Variants in MORC1 observed in about 807,000 individuals in gnomAD.
The protein encoded by MORC1 is MORC family CW-type zinc finger protein 1.
Under a neutral mutation model 134.9 loss-of-function variants are expected in MORC1, and 59 were observed. That is an observed-to-expected ratio of 0.44 (90% CI 0.35 to 0.54). MORC1 has a LOEUF of 0.54. Ranked by LOEUF, MORC1 falls within the 20% of genes least tolerant of loss-of-function variation. MORC1 has a pLI of 0.00. For missense variants in MORC1, 947 were observed against 1,134.5 expected (o/e 0.83, Z 2.37); for synonymous variants, 395 against 391.7 (o/e 1.01, Z -0.10).
At chr3:109,041,118 T>C (rs961407286) in intron 14 of MORC1, among the ~76,000 whole-genome samples, 1 of 151,388 alleles carries the variant, frequency 6.6e-6, no homozygotes, top group Non-Finnish European at 1.5e-5. Flanking sequence ...AAGACCATCC[T>C]GGCCAACATG....
intron 14 of MORC1, among the ~76,000 whole-genome samples, chr3:109,049,648 G>A (rs1949775020): frequency 6.6e-6 from 1 of 152,022 alleles, no homozygotes; most frequent in Non-Finnish European, 1.5e-5. Context: ...CCACTTACTG[G>A]AAAAAATAAG....
At chr3:109,040,953 GA>G (rs1292798576) in intron 14 of MORC1, among the ~76,000 whole-genome samples, 1 of 151,508 alleles carries the variant, frequency 6.6e-6, no homozygotes, top group Admixed American at 6.6e-5. Flanking sequence ...TTATGGAGCT[GA>G]AAAAATACTG....
chr3:109,104,312 C>T (rs1434902756), intron 3 of MORC1, among the ~76,000 whole-genome samples: 3 of 152,082 alleles, frequency 2.0e-5, no homozygotes, highest in Non-Finnish European at 4.4e-5. Flanking sequence ...CACCAAAGCA[C>T]AATTATAAAA....
In MORC1 at chr3:109,079,990, G is replaced by C. The variant is rs140443001; in HGVS notation, c.690-10233C>G. 6.6e-5 allele frequency among the ~76,000 whole-genome samples: 10 copies of C among 152,194 alleles called. No homozygotes were observed. The East Asian group carries it at 1.9e-3, about 29-fold the overall frequency. ...TATTATGTGTCAGGTAGTGTCCTAAGCACTTTTCATGTCATAAATCACTTA... is the reference window on the plus strand; with the variant it reads ...TATTATGTGTCAGGTAGTGTCCTAACCACTTTTCATGTCATAAATCACTTA... On this transcript the variant is annotated intron_variant, in intron 8 of 27. Transcript: ENST00000232603.
At chr3:109,093,300 C>T in intron 8 of MORC1, 136 bp downstream of exon 8, 1 of 629,804 alleles carries the variant, frequency 1.6e-6, no homozygotes, top group Non-Finnish European at 2.7e-6. Flanking sequence ...CCTAGCCCAA[C>T]TTTACTAGTA....
chr3:108,967,459 G>A (rs16855057), intron 26 of MORC1, among the ~76,000 whole-genome samples: 5,112 of 152,106 alleles, frequency 0.034, 273 homozygotes, highest in African/African-American at 0.11. Flanking sequence ...ACAGACTTTC[G>A]GTTGGGACAA....
intron 17 of MORC1, among the ~76,000 whole-genome samples, chr3:109,015,453 A>G (rs1291872002): frequency 6.6e-6 from 1 of 152,158 alleles, no homozygotes; most frequent in Non-Finnish European, 1.5e-5. Context: ...CCTCCCACCC[A>G]TCTGAGTTCT....
chr3:109,042,898 A>G (rs1475268386), intron 14 of MORC1, among the ~76,000 whole-genome samples: 4 of 152,180 alleles, frequency 2.6e-5, no homozygotes, highest in Admixed American at 6.5e-5. Context: ...AGCACAGAGT[A>G]GAATGATGGT....
intron 17 of MORC1, among the ~76,000 whole-genome samples, chr3:109,010,296 T>C (rs1399383341): frequency 6.6e-6 from 1 of 152,190 alleles, no homozygotes; most frequent in Non-Finnish European, 1.5e-5. Flanking sequence ...TGCCTTGTGT[T>C]TTTTCCAATT....
intron 8 of MORC1, among the ~76,000 whole-genome samples, chr3:109,077,888 T>C (rs1276489813): frequency 6.6e-6 from 1 of 151,862 alleles, no homozygotes; most frequent in African/African-American, 2.4e-5. Flanking sequence ...AAAATATCAC[T>C]GCTGGAAAGA....
chr3:109,038,862 C>G (rs962584974), intron 14 of MORC1, among the ~76,000 whole-genome samples: 2 of 152,078 alleles, frequency 1.3e-5, no homozygotes, highest in East Asian at 1.9e-4. Context: ...AGTTTGAAGT[C>G]AGGTAGCGCG....
At chr3:108,975,920 TA>T (rs1947539433) in intron 24 of MORC1, among the ~76,000 whole-genome samples, 1 of 152,174 alleles carries the variant, frequency 6.6e-6, no homozygotes, top group Admixed American at 6.5e-5. Flanking sequence ...TATTTAAAAG[TA>T]TTTTAACATC....
intron 3 of MORC1, among the ~76,000 whole-genome samples, chr3:109,109,387 G>C (rs1290723988): frequency 6.6e-6 from 1 of 152,088 alleles, no homozygotes; most frequent in Non-Finnish European, 1.5e-5. Context: ...AATTATTACT[G>C]AATAAATTAA....
At chr3:109,052,170 A>G (rs1430363655) in intron 14 of MORC1, among the ~76,000 whole-genome samples, 1 of 152,162 alleles carries the variant, frequency 6.6e-6, no homozygotes, top group Non-Finnish European at 1.5e-5. Flanking sequence ...CACTATGTTT[A>G]TGTTGATATT....
intron 14 of MORC1, among the ~76,000 whole-genome samples, chr3:109,044,627 T>G (rs1292538679): frequency 3.3e-5 from 5 of 151,308 alleles, no homozygotes; most frequent in African/African-American, 1.2e-4. Context: ...CAAGAGCAGC[T>G]GACACATATT....
At chr3:109,094,519 A>G (rs1256217478) in intron 7 of MORC1, among the ~76,000 whole-genome samples, 2 of 152,226 alleles carry the variant, frequency 1.3e-5, no homozygotes, top group Non-Finnish European at 2.9e-5. Context: ...TCTTTGCCAC[A>G]GAGACATTAA....
At chr3:109,041,029 C>A (rs552658683) in intron 14 of MORC1, among the ~76,000 whole-genome samples, 2 of 151,024 alleles carry the variant, frequency 1.3e-5, no homozygotes, top group Non-Finnish European at 3.0e-5. Context: ...AAGAGAAGAG[C>A]CACCAGGTGT....
chr3:108,963,808 TATA>T (rs1214170100), intron 26 of MORC1, among the ~76,000 whole-genome samples, 200 bp from the exon 27 acceptor site: 1 of 152,226 alleles, frequency 6.6e-6, no homozygotes. Flanking sequence ...GAGAAAAATG[TATA>T]ATATTTCAAT....
rs536320013 is a variant in MORC1 at position 109,031,181 on chromosome 3, T to C, written c.1565+1539A>G. ...GGTCTGAGAGTGCCCAAGACTGGTC[T>C]AAGAAATCCTAGGGATAGGGTTACA... On this transcript the variant is annotated intron_variant, in intron 16 of 27. Coordinates refer to ENST00000232603, the MANE Select transcript of MORC1 (RefSeq NM_014429.4). 3.5e-4 allele frequency among the ~76,000 whole-genome samples: 53 copies of C among 152,228 alleles called. No homozygotes were observed. In the South Asian group the frequency reaches 0.011, roughly 31 times the overall value.
Sources: gnomAD v4.1 joint callset for allele counts (sites outside exome capture counted in the v4.1 genomes callset) on GRCh38, gnomAD v4.1.1 for gene constraint, MANE v1.5 for transcripts, NCBI Gene and HGNC (gene_info 2026-07-23, HGNC 2026-07-21) for gene names.